Variants in MAP4 observed in about 807,000 individuals in gnomAD.
The protein encoded by MAP4 is microtubule associated protein 4, also known as microtubule-associated protein 4.
MAP4 carries 76 observed loss-of-function variants against 170.2 expected under a neutral mutation model. That is an observed-to-expected ratio of 0.45 (90% CI 0.37 to 0.54). The LOEUF (loss-of-function observed/expected upper bound fraction) is 0.54, where lower values mean the gene tolerates loss of function less well. Ranked by LOEUF, MAP4 falls within the 20% of genes least tolerant of loss-of-function variation. The pLI, the probability that MAP4 is intolerant of heterozygous loss-of-function variation, is 0.00. For missense variants in MAP4, 2,506 were observed against 2,748.0 expected (o/e 0.91, Z 1.97); for synonymous variants, 909 against 994.5 (o/e 0.91, Z 1.62).
intron 1 of MAP4, among the ~76,000 whole-genome samples, chr3:48,035,012 C>CA (rs1274493705): frequency 9.9e-5 from 15 of 150,946 alleles, no homozygotes; most frequent in Admixed American, 3.3e-4. Context: ...GAGACACTGT[C>CA]AAAAAAAATA....
At chr3:47,873,570 A>G (rs548436497) in intron 12 of MAP4, among the ~76,000 whole-genome samples, 1 of 152,308 alleles carries the variant, frequency 6.6e-6, no homozygotes, top group East Asian at 1.9e-4. Context: ...GGTAATGACA[A>G]TTTCCACAAA....
chr3:47,910,667 T>G lies in MAP4; in HGVS notation c.3754A>C (p.Ser1252Arg), dbSNP rs1156927109. 2 of 1,536,060 alleles carry G rather than the reference T, an allele frequency of 1.3e-6. No homozygotes were observed. The highest frequency in any genetic ancestry group is 1.7e-6 in the Non-Finnish European group (2 of 1,146,798). Residue 1252 changes from serine to arginine, a missense_variant, in exon 9 of 21, where the codon AGT (serine) becomes CGT (arginine). Transcript: ENST00000683076. ...ATTTCCTTGCTTTTATGGGGAATAC[T>G]ACCAGTATCTCCATCCTTCCCTTCA... ...PFEGKDGDTG[S>R]IPHKSKEIGF... is the part of the protein sequence containing the mutation.
Position 47,874,293 on chromosome 3 carries a change from C to T in MAP4, c.5757+1392G>A, listed in dbSNP as rs188285112. Among the ~76,000 whole-genome samples the T allele has an allele frequency of 3.6e-3, 550 of 152,172 alleles. 3 individuals carry two copies. The highest frequency in any genetic ancestry group is 6.8e-3 in the Middle Eastern group (2 of 294). ...GACCAGCCTGGCCAATGTGGTGAATCCCCAGCTCTACTAAAAATACAAAAA... is the reference window on the plus strand; with the variant it reads ...GACCAGCCTGGCCAATGTGGTGAATTCCCAGCTCTACTAAAAATACAAAAA... On this transcript the variant is annotated intron_variant, in intron 12 of 20. Transcript: ENST00000683076.
At position 47,911,297 on chromosome 3, in the gene MAP4, C is replaced by G. The variant is rs886554314; in HGVS notation, c.3124G>C (p.Val1042Leu). The change falls in exon 9 of 21, where the codon GTA becomes CTA. Residue 1042 changes from valine (V) to leucine (L), a missense_variant. Around this residue, in one of 3 missense-constraint regions of MAP4, gnomAD observed 2,008 missense variants for 2,206.0 expected, o/e 0.91. Coordinates refer to ENST00000683076, the MANE Select transcript of MAP4 (RefSeq NM_001385682.1). This position sits in a 1 kb window ranked among gnomAD's most constrained non-coding sequence, Gnocchi z 4.0. The stretch of plus-strand genomic sequence containing the variant: ...TCATTCTCTACCCCAGGGACCTGTA[C>G]CAACACTTGGCCCTGCAGCTGCTCA... ...TSEQLQGQVL[V>L]QVPGVENEPF... The G allele has an allele frequency of 6.5e-7, 1 of 1,535,964 alleles. No individual in the cohort carries two copies. Among genetic ancestry groups the G allele is most frequent in the African/African-American group, 1.4e-5 (1 of 73,016 alleles).
At chr3:48,079,901 G>C (rs1381535772) in intron 1 of MAP4, among the ~76,000 whole-genome samples, 1 of 150,806 alleles carries the variant, frequency 6.6e-6, no homozygotes, top group Non-Finnish European at 1.5e-5. Context: ...AGTGAGCCGA[G>C]ATAGTGCCAC....
intron 10 of MAP4, chr3:47,892,047 C>T (rs2100024301): frequency 6.5e-7 from 1 of 1,536,238 alleles, no homozygotes; most frequent in East Asian, 2.4e-5. Flanking sequence ...TTCCCTGCCA[C>T]CTTCCCCTGA....
chr3:47,970,748 C>T (rs1395653880), intron 3 of MAP4, among the ~76,000 whole-genome samples: 4 of 152,056 alleles, frequency 2.6e-5, no homozygotes, highest in African/African-American at 7.2e-5. Flanking sequence ...ACCTGGGAGA[C>T]GGAGGTTGCA....
At chr3:47,937,656 C>CTTTTTTTTTTTTTT (rs71070243) in intron 3 of MAP4, among the ~76,000 whole-genome samples, 15 of 107,932 alleles carry the variant, frequency 1.4e-4, no homozygotes, top group South Asian at 3.0e-4. Flanking sequence ...TTTTCTTCTT[C>CTTTTTTTTTTTTTT]TTTTTTTTTT....
intron 1 of MAP4, among the ~76,000 whole-genome samples, chr3:48,005,682 G>T (rs1298232280): frequency 1.3e-5 from 2 of 152,200 alleles, no homozygotes; most frequent in Non-Finnish European, 2.9e-5. Context: ...GATTGAGGTG[G>T]TGGAGTGGAT....
chr3:47,909,455 CCTT>C lies in MAP4; in HGVS notation c.4963_4965del (p.Lys1655del). On this transcript the variant is annotated inframe_deletion, in exon 9 of 21. Transcript: ENST00000683076. ...TTTGGAGACAAAAGAGTCAGATCTA[CCTT>C]CTTATTCAAACTATCTGAACCTTTG... The C allele has an allele frequency of 1.2e-6, 2 of 1,613,776 alleles. No individual in the cohort carries two copies. Among genetic ancestry groups the C allele is most frequent in the South Asian group, 2.2e-5 (2 of 91,076 alleles).
chr3:48,059,720 T>G (rs1579675544), intron 1 of MAP4, among the ~76,000 whole-genome samples: 1 of 151,834 alleles, frequency 6.6e-6, no homozygotes, highest in Admixed American at 6.5e-5. Context: ...GGCTCACGCC[T>G]GTAATCCTAG....
chr3:47,859,823 T>G (rs774383080), intron 17 of MAP4, among the ~76,000 whole-genome samples: 1 of 152,254 alleles, frequency 6.6e-6, no homozygotes, highest in South Asian at 2.1e-4. Flanking sequence ...ATTATACAGA[T>G]ATTTATAGGC....
intron 17 of MAP4, among the ~76,000 whole-genome samples, chr3:47,858,708 T>C (rs886842854): frequency 6.6e-6 from 1 of 151,788 alleles, no homozygotes; most frequent in Non-Finnish European, 1.5e-5. Flanking sequence ...CAGTGGGTCA[T>C]GCCTGTAATC....
intron 1 of MAP4, among the ~76,000 whole-genome samples, chr3:48,049,685 C>CAAA (rs1273438219): frequency 6.6e-6 from 1 of 152,056 alleles, no homozygotes; most frequent in African/African-American, 2.4e-5. Flanking sequence ...GTAATCCCAG[C>CAAA]ACTTTGGGAG....
chr3:48,063,362 G>T (rs928921789), intron 1 of MAP4, among the ~76,000 whole-genome samples: 1 of 151,024 alleles, frequency 6.6e-6, no homozygotes, highest in Admixed American at 6.6e-5. Flanking sequence ...CTTGAGCCCA[G>T]GAGATGAGTC....
rs547589684 is a variant in MAP4, at chr3:47,896,496, T to A, written c.5434+6454A>T. ...GTGAGTGGAGATCATGCCATTGCAC[T>A]CCAGCCTGGGCAACAAGAGCGAAAC... is the stretch of plus-strand genomic sequence containing the variant. On this transcript the variant is annotated intron_variant, in intron 10 of 20. Coordinates refer to ENST00000683076, the MANE Select transcript of MAP4 (RefSeq NM_001385682.1). 2.0e-5 allele frequency among the ~76,000 whole-genome samples: 3 copies of A among 152,142 alleles called. No homozygotes were observed. In the East Asian group the frequency reaches 5.8e-4, roughly 29 times the overall value.
chr3:47,972,172 G>A (rs17079882), intron 3 of MAP4, among the ~76,000 whole-genome samples: 1,814 of 152,288 alleles, frequency 0.012, 22 homozygotes, highest in Non-Finnish European at 0.019. Context: ...TCTTAATTCA[G>A]TCAACATATT....
chr3:47,921,459 C>T (rs1370257948), intron 5 of MAP4, among the ~76,000 whole-genome samples: 2 of 152,140 alleles, frequency 1.3e-5, no homozygotes, highest in African/African-American at 4.8e-5. Flanking sequence ...TACCATTTAC[C>T]TGTCTCCCAC....
At chr3:47,863,825 G>A (rs1643657415) in intron 17 of MAP4, among the ~76,000 whole-genome samples, 1 of 151,646 alleles carries the variant, frequency 6.6e-6, no homozygotes, top group Admixed American at 6.6e-5. Context: ...CTGTCTGTCT[G>A]TCGGGGGCAT....
Sources: gnomAD v4.1 joint callset for allele counts (sites outside exome capture counted in the v4.1 genomes callset) on GRCh38, gnomAD v4.1.1 for gene constraint, gnomAD v4.1.1 regional missense constraint, Gnocchi (gnomAD v3.1) non-coding constraint, MANE v1.5 for transcripts, NCBI Gene and HGNC (gene_info 2026-07-23, HGNC 2026-07-21) for gene names.